KCTD8: variants seen among roughly 807,000 people sequenced by gnomAD.
KCTD8 encodes the protein potassium channel tetramerization domain containing 8.
In KCTD8, 27 loss-of-function variants were observed where a neutral mutation model predicts 31.5. The ratio of observed to expected loss-of-function variants is 0.86; its 90% CI spans 0.63 to 1.18. The LOEUF (loss-of-function observed/expected upper bound fraction) is 1.18, where lower values mean the gene tolerates loss of function less well. KCTD8 is among the 50% of genes most tolerant of loss of function. The pLI is 0.00. For synonymous variants in KCTD8, 290 were observed against 280.0 expected (o/e 1.04, Z -0.36); for missense variants, 658 against 647.7 (o/e 1.02, Z -0.17).
chr4:44,284,265 T>C (rs2109380953), intron 1 of KCTD8, among the ~76,000 whole-genome samples: 1 of 152,294 alleles, frequency 6.6e-6, no homozygotes, highest in African/African-American at 2.4e-5. Context: ...AGCATGGTAC[T>C]GGTACCAAAA....
intron 1 of KCTD8, among the ~76,000 whole-genome samples, chr4:44,333,463 C>T (rs1278317708): frequency 2.6e-5 from 4 of 152,102 alleles, no homozygotes; most frequent in Non-Finnish European, 5.9e-5. Context: ...GATGCACAGG[C>T]ATAGTATCAA....
intron 1 of KCTD8, among the ~76,000 whole-genome samples, chr4:44,183,981 G>A (rs1324325199): frequency 6.6e-6 from 1 of 152,006 alleles, no homozygotes; most frequent in East Asian, 1.9e-4. Flanking sequence ...GAGTCAAAAG[G>A]GAAAAACTCC....
intron 1 of KCTD8, among the ~76,000 whole-genome samples, chr4:44,416,051 G>T (rs1372919659): frequency 6.6e-6 from 1 of 152,232 alleles, no homozygotes; most frequent in Non-Finnish European, 1.5e-5. Flanking sequence ...ACAGGGGATG[G>T]GATGACCAAG....
intron 1 of KCTD8, among the ~76,000 whole-genome samples, chr4:44,331,275 G>A (rs1718584863): frequency 1.3e-5 from 2 of 151,792 alleles, no homozygotes. Flanking sequence ...CTCTAATATT[G>A]TTAGGAAAAA....
intron 1 of KCTD8, 104 bp downstream of exon 1, chr4:44,447,459 G>C (rs1721970571): frequency 7.0e-7 from 1 of 1,425,590 alleles, no homozygotes; most frequent in African/African-American, 1.4e-5. Context: ...GAGTTAACCA[G>C]CGCCTGCCCC....
intron 1 of KCTD8, among the ~76,000 whole-genome samples, chr4:44,215,093 C>T (rs1357088035): frequency 6.6e-6 from 1 of 152,152 alleles, no homozygotes; most frequent in Admixed American, 6.5e-5. Context: ...CAACACTCCC[C>T]ACTTTCTGAC....
chr4:44,246,750 C>T (rs1459800494), intron 1 of KCTD8, among the ~76,000 whole-genome samples: 1 of 151,992 alleles, frequency 6.6e-6, no homozygotes, highest in Non-Finnish European at 1.5e-5. Flanking sequence ...TGAAAATACT[C>T]TTACTAAAAT....
intron 1 of KCTD8, among the ~76,000 whole-genome samples, chr4:44,325,297 C>T (rs928610155): frequency 4.0e-5 from 6 of 151,666 alleles, no homozygotes; most frequent in South Asian, 4.1e-4. Flanking sequence ...AAGTTGAGGG[C>T]GAAGGAATAC....
chr4:44,327,310 T>C (rs142565307), intron 1 of KCTD8, among the ~76,000 whole-genome samples: 1 of 152,022 alleles, frequency 6.6e-6, no homozygotes, highest in African/African-American at 2.4e-5. Flanking sequence ...CTACACATAC[T>C]AGTCTCAGAA....
In KCTD8 at chr4:44,194,050, C is replaced by A. The variant is rs115403997; in HGVS notation, c.962-18800G>T. Among the ~76,000 whole-genome samples, 544 of 152,052 alleles carry A rather than the reference C, an allele frequency of 3.6e-3. 5 individuals carry two copies. Among genetic ancestry groups the A allele is most frequent in the African/African-American group, 0.013 (522 of 41,484 alleles). ...ACTATTCTTAGGACTATCTTAGAAC[C>A]CATGACTTGTCAGGTACCATAATTT... On this transcript the variant is annotated intron_variant, in intron 1 of 1. Coordinates refer to ENST00000360029, the MANE Select transcript of KCTD8 (RefSeq NM_198353.3).
chr4:44,396,928 G>A (rs1720519938), intron 1 of KCTD8, among the ~76,000 whole-genome samples: 1 of 152,170 alleles, frequency 6.6e-6, no homozygotes, highest in East Asian at 1.9e-4. Context: ...CCCGGTAGTT[G>A]AACTCCAGCA....
At chr4:44,188,253 G>T (rs1713650681) in intron 1 of KCTD8, among the ~76,000 whole-genome samples, 1 of 152,126 alleles carries the variant, frequency 6.6e-6, no homozygotes. Flanking sequence ...TGCCTGTTAA[G>T]GCAGCAGCTC....
intron 1 of KCTD8, among the ~76,000 whole-genome samples, chr4:44,360,888 T>C (rs1162506113): frequency 4.6e-5 from 7 of 152,050 alleles, no homozygotes; most frequent in Non-Finnish European, 1.5e-5. Flanking sequence ...ATGGCTTTTT[T>C]CCATTTGATT....
chr4:44,292,627 A>T (rs1717313789), intron 1 of KCTD8, among the ~76,000 whole-genome samples: 1 of 152,110 alleles, frequency 6.6e-6, no homozygotes, highest in African/African-American at 2.4e-5. Context: ...CTAAAATAAA[A>T]GTTGAAATTA....
chr4:44,203,398 G>A (rs1714206972), intron 1 of KCTD8, among the ~76,000 whole-genome samples: 1 of 150,412 alleles, frequency 6.6e-6, no homozygotes, highest in Admixed American at 6.7e-5. Context: ...AGCTACCTGG[G>A]AGAACTGCTT....
At chr4:44,285,803 G>A (rs1352814803) in intron 1 of KCTD8, among the ~76,000 whole-genome samples, 2 of 151,912 alleles carry the variant, frequency 1.3e-5, no homozygotes, top group African/African-American at 2.4e-5. Context: ...TAAGATTAAC[G>A]GCTGCTAAAG....
chr4:44,182,066 C>T (rs1221630100), intron 1 of KCTD8, among the ~76,000 whole-genome samples: 10 of 151,926 alleles, frequency 6.6e-5, no homozygotes, highest in African/African-American at 2.4e-4. Context: ...GCAGCCACCC[C>T]GTCTGAGAAG....
At chr4:44,260,895 GT>G (rs1436355944) in intron 1 of KCTD8, among the ~76,000 whole-genome samples, 2 of 151,982 alleles carry the variant, frequency 1.3e-5, no homozygotes, top group Non-Finnish European at 2.9e-5. Flanking sequence ...CGGTTGCTGT[GT>G]GATAAACAGA....
intron 1 of KCTD8, among the ~76,000 whole-genome samples, chr4:44,411,708 T>C (rs955480369): frequency 6.6e-6 from 1 of 151,982 alleles, no homozygotes; most frequent in Non-Finnish European, 1.5e-5. Context: ...TATTCCAATA[T>C]GGCTGATCTC....
Sources: allele counts gnomAD v4.1 joint callset (sites outside exome capture counted in the v4.1 genomes callset), GRCh38; gene constraint gnomAD v4.1.1; transcripts MANE v1.5; gene names NCBI Gene and HGNC (gene_info 2026-07-23, HGNC 2026-07-21).